The following MPST variants were observed in gnomAD, a reference collection of about 807,000 sequenced individuals.
MPST encodes mercaptopyruvate sulfurtransferase, also known as 3-mercaptopyruvate sulfurtransferase.
Under a neutral mutation model 28.5 loss-of-function variants are expected in MPST, and 27 were observed. The observed-to-expected ratio is 0.95, with a 90% CI of 0.70 to 1.31. The LOEUF is 1.31. Among genes scored for constraint, MPST ranks in the 50% most tolerant of loss-of-function variants. The pLI, the probability that MPST is intolerant of heterozygous loss-of-function variation, is 0.00. For missense variants in MPST, 492 were observed against 471.1 expected (o/e 1.04, Z -0.41); for synonymous variants, 204 against 209.3 (o/e 0.97, Z 0.22).
rs763858691 is a variant in MPST at position 37,024,692 on chromosome 22, C to G, written c.537C>G (p.Asp179Glu). ...CCGCCGAGTTCCGCGCTCAGCTCGA[C>G]CCCGCCTTCATCAAGACCTACGAGG... Reference protein sequence around the residue: ...PAPAEFRAQLDPAFIKTYEDI... With the variant: ...PAPAEFRAQLEPAFIKTYEDI... Residue 179 changes from aspartate to glutamate, a missense_variant, in exon 2 of 3, where the codon GAC becomes GAG. Transcript: ENST00000429360. The G allele has an allele frequency of 3.1e-6, 5 of 1,599,654 alleles. No homozygotes were observed. Among genetic ancestry groups the G allele is most frequent in the Non-Finnish European group, 4.2e-6 (5 of 1,179,790 alleles).
chr22:37,029,216 G>A lies in MPST; in HGVS notation c.656G>A (p.Gly219Asp), dbSNP rs764820410. 6.2e-7 allele frequency: 1 copy of A among 1,613,286 alleles called. No individual in the cohort carries two copies. The highest frequency in any genetic ancestry group is 8.5e-7 in the Non-Finnish European group (1 of 1,179,456). ...FRGTEPEPRD[G>D]IEPGHIPGTV... is the part of the protein sequence containing the mutation. ...CCTCCTCCCTGCTCCCCTGCTGTAG[G>A]CATTGAACCTGGCCACATCCCAGGT... The change falls in exon 3 of 3, where the codon GGC (glycine) becomes GAC (aspartate). Residue 219 changes from glycine (G) to aspartate (D), a missense_variant and splice_region_variant. Transcript: ENST00000429360.
At position 37,024,717 on chromosome 22, in the gene MPST, G is replaced by C; in HGVS notation, c.562G>C (p.Asp188His). Residue 188 changes from aspartate (D) to histidine (H), a missense_variant, in exon 2 of 3, where the codon GAC (aspartate) becomes CAC (histidine). Physicochemically the swap from Asp to His is moderately conservative, Grantham distance 81 (BLOSUM62 -1). Transcript: ENST00000429360. ...LDPAFIKTYE[D>H]IKENLESRRF... is the part of the protein sequence containing the mutation. Reference sequence around the variant, plus strand: ...CCCCGCCTTCATCAAGACCTACGAGGACATCAAGGAGAACCTGGAATCCCG... The same window carrying C: ...CCCCGCCTTCATCAAGACCTACGAGCACATCAAGGAGAACCTGGAATCCCG... 1 of 1,600,368 alleles carries C rather than the reference G, an allele frequency of 6.2e-7. No individual in the cohort carries two copies. Among genetic ancestry groups the C allele is most frequent in the Non-Finnish European group, 8.5e-7 (1 of 1,179,810 alleles).
intron 2 of MPST, 69 bp downstream of exon 2, chr22:37,024,879 C>T (rs766163517): frequency 1.0e-5 from 16 of 1,558,154 alleles, no homozygotes; most frequent in Non-Finnish European, 1.3e-5. Flanking sequence ...GTGCCCTGGA[C>T]TTGACCTTTC....
At chr22:37,021,907 C>T (rs911967129) in intron 1 of MPST, among the ~76,000 whole-genome samples, 4 of 151,848 alleles carry the variant, frequency 2.6e-5, no homozygotes, top group Non-Finnish European at 5.9e-5. Context: ...CACCCAGAGA[C>T]CCTACACACC....
In MPST at chr22:37,019,840, G is replaced by C; in HGVS notation, c.4G>C (p.Ala2Pro). The C allele has an allele frequency of 3.3e-6, 4 of 1,217,876 alleles. No individual in the cohort carries two copies. Among genetic ancestry groups the C allele is most frequent in the Non-Finnish European group, 4.1e-6 (4 of 973,336 alleles). The allele number at this position is 1,217,876 out of a possible 1,614,324, so 75.4% of individuals were successfully genotyped here. The stretch of plus-strand genomic sequence containing the variant: ...GGGGCGCCGCGCCGCGGGGGCCATG[G>C]CGGAGCCAGGAAGCCGGGAGTCCGA... Reference protein sequence around the residue: MAEPGSRESETR... With the variant: MPEPGSRESETR... Residue 2 changes from alanine (A) to proline (P), a missense_variant, in exon 1 of 3, where the codon GCG becomes CCG. Transcript: ENST00000429360.
At position 37,029,361 on chromosome 22, in the gene MPST, G is replaced by T. The variant is rs144710659; in HGVS notation, c.801G>T (p.Thr267=). Residue 267 remains threonine, a synonymous_variant, in exon 3 of 3, where the codon ACG becomes ACT. Transcript: ENST00000429360. ...ACCTGTCTAAGCCACTGGTGGCCAC[G>T]TGTGGCTCTGGCGTCACAGCCTGCC... ...KVDLSKPLVA[T]CGSGVTACHV... is the part of the protein sequence containing the mutation. 3 of 1,614,042 alleles carry T rather than the reference G, an allele frequency of 1.9e-6. No individual in the cohort carries two copies.
At chr22:37,022,589 T>A (rs1601455551) in intron 1 of MPST, among the ~76,000 whole-genome samples, 2 of 152,156 alleles carry the variant, frequency 1.3e-5, no homozygotes, top group East Asian at 3.9e-4. Context: ...GGGGTCAAAT[T>A]CTGGCTGCAA....
intron 1 of MPST, among the ~76,000 whole-genome samples, chr22:37,020,736 G>A (rs1393471527): frequency 6.6e-6 from 1 of 152,116 alleles, no homozygotes; most frequent in Non-Finnish European, 1.5e-5. Context: ...TCAGCTCACT[G>A]CAACCTCCGC....
In MPST at chr22:37,024,264, G is replaced by T; in HGVS notation, c.109G>T (p.Ala37Ser). The T allele has an allele frequency of 6.8e-7, 1 of 1,461,890 alleles. No homozygotes were observed. Among genetic ancestry groups the T allele is most frequent in the South Asian group, 1.4e-5 (1 of 73,544 alleles). The allele number at this position is 1,461,890 out of a possible 1,614,324, so 90.6% of individuals were successfully genotyped here. A position where few individuals can be genotyped will look rare whatever the true frequency, so the allele number is the denominator to read the frequency against. ...CGCGCTGGTGTCGGCGCAATGGGTG[G>T]CGGAGGCGCTGCGGGCCCCGCGCGC... is the stretch of plus-strand genomic sequence containing the variant. Reference protein sequence around the residue: ...CRALVSAQWVAEALRAPRAGQ... With the variant: ...CRALVSAQWVSEALRAPRAGQ... The change falls in exon 2 of 3, where the codon GCG becomes TCG. Residue 37 changes from alanine to serine, a missense_variant. Transcript: ENST00000429360.
chr22:37,023,707 G>GAA (rs1923242225), intron 1 of MPST: 3 of 1,030,786 alleles, frequency 2.9e-6, no homozygotes, highest in Non-Finnish European at 3.6e-6. Flanking sequence ...GGATTCAGTG[G>GAA]TACCCAGCAA....
At chr22:37,024,124 C>T (rs530141547) in intron 1 of MPST, 68 bp from the exon 2 acceptor site, 18 of 1,341,116 alleles carry the variant, frequency 1.3e-5, no homozygotes, top group Middle Eastern at 2.7e-4. Context: ...GCCCATGCTC[C>T]AGCCCCAGCC....
chr22:37,020,326 G>C (rs1171860232), intron 1 of MPST: 1 of 154,216 alleles, frequency 6.5e-6, no homozygotes, highest in Non-Finnish European at 1.4e-5. Context: ...TAAGACAGGA[G>C]AGAGCGGCAG....
chr22:37,024,784 G>A lies in MPST; in HGVS notation c.629G>A (p.Arg210His), dbSNP rs1923389480. ...VVDSRATGRFRGTEPEPRDGI... is the reference protein window; with the variant it reads ...VVDSRATGRFHGTEPEPRDGI... Reference sequence around the variant, plus strand: ...GACTCCCGAGCCACTGGCAGGTTCCGCGGCACCGAGCCCGAGCCCCGAGAC... The same window carrying A: ...GACTCCCGAGCCACTGGCAGGTTCCACGGCACCGAGCCCGAGCCCCGAGAC... Residue 210 changes from arginine (R) to histidine (H), a missense_variant, in exon 2 of 3, where the codon CGC (arginine) becomes CAC (histidine). Transcript: ENST00000429360. 1.6e-5 allele frequency: 25 copies of A among 1,602,584 alleles called. 1 individual carries two copies. The highest frequency in any genetic ancestry group is 2.1e-5 in the Non-Finnish European group (25 of 1,179,586).
At position 37,026,443 on chromosome 22, in the gene MPST, G is replaced by A. The variant is rs1017073807; in HGVS notation, c.655+1633G>A. 3.3e-5 allele frequency: 5 copies of A among 152,234 alleles called. No individual in the cohort carries two copies. The East Asian group carries it at 7.7e-4, about 24-fold the overall frequency. 9.4% of individuals were successfully genotyped at this position (152,234 alleles called of 1,614,324 possible). ...ATCTATAGAATGGGAGGTGATACACGCCTAGCAGGCTTGTTGTCAAAACAA... is the reference window on the plus strand; with the variant it reads ...ATCTATAGAATGGGAGGTGATACACACCTAGCAGGCTTGTTGTCAAAACAA... On this transcript the variant is annotated intron_variant, in intron 2 of 2. Transcript: ENST00000429360.
chr22:37,026,287 G>A (rs903954366), intron 2 of MPST: 1 of 152,144 alleles, frequency 6.6e-6, no homozygotes, highest in Non-Finnish European at 1.5e-5. Context: ...ATGTAGAATG[G>A]GAGCAGTAAC....
At position 37,029,468 on chromosome 22, in the gene MPST, C is replaced by T. The variant is rs1923751893; in HGVS notation, c.908C>T (p.Ala303Val). The T allele has an allele frequency of 3.1e-6, 5 of 1,611,736 alleles. No individual in the cohort carries two copies. The highest frequency in any genetic ancestry group is 1.7e-5 in the Admixed American group (1 of 59,936). The change falls in exon 3 of 3, where the codon GCC becomes GTC. Residue 303 changes from alanine to valine, a missense_variant. Ala to Val is a moderately conservative substitution (Grantham distance 64). Coordinates refer to ENST00000429360, the MANE Select transcript of MPST (RefSeq NM_021126.8). ...TCCTGGGTGGAGTGGTACATGCGCG[C>T]CCGGCCCGAGGATGTCATCTCAGAG... ...DGSWVEWYMR[A>V]RPEDVISEGR...
chr22:37,019,946 G>C (rs1922935777), intron 1 of MPST, 74 bp downstream of exon 1: 1 of 734,372 alleles, frequency 1.4e-6, no homozygotes, highest in Non-Finnish European at 1.9e-6. Context: ...TCGGCGCGGG[G>C]CTCCCGCGCG....
chr22:37,029,407 C>G lies in MPST; in HGVS notation c.847C>G (p.Leu283Val), dbSNP rs191731798. 15 of 1,613,860 alleles carry G rather than the reference C, an allele frequency of 9.3e-6. No individual in the cohort carries two copies. The highest frequency in any genetic ancestry group is 1.3e-5 in the African/African-American group (1 of 74,946). ...CTGCCACGTGGCACTAGGGGCCTAC[C>G]TCTGCGGCAAGCCAGACGTGCCCAT... ...TACHVALGAY[L>V]CGKPDVPIYD... The change falls in exon 3 of 3, where the codon CTC becomes GTC. Residue 283 changes from leucine (L) to valine (V), a missense_variant. By Grantham distance (32) the Leu-to-Val change is conservative (BLOSUM62 1). Coordinates refer to ENST00000429360, the MANE Select transcript of MPST (RefSeq NM_021126.8).
At position 37,024,697 on chromosome 22, in the gene MPST, C is replaced by A; in HGVS notation, c.542C>A (p.Ala181Asp). 2.5e-6 allele frequency: 4 copies of A among 1,599,848 alleles called. No individual in the cohort carries two copies. Among genetic ancestry groups the A allele is most frequent in the Non-Finnish European group, 3.4e-6 (4 of 1,179,810 alleles). ...PAEFRAQLDP[A>D]FIKTYEDIKE... ...GAGTTCCGCGCTCAGCTCGACCCCGCCTTCATCAAGACCTACGAGGACATC... is the reference window on the plus strand; with the variant it reads ...GAGTTCCGCGCTCAGCTCGACCCCGACTTCATCAAGACCTACGAGGACATC... Residue 181 changes from alanine to aspartate, a missense_variant, in exon 2 of 3, where the codon GCC (alanine) becomes GAC (aspartate). Ala to Asp is a moderately radical substitution (Grantham distance 126). Coordinates refer to ENST00000429360, the MANE Select transcript of MPST (RefSeq NM_021126.8).
Sources: gnomAD v4.1 joint callset for allele counts (sites outside exome capture counted in the v4.1 genomes callset) on GRCh38, gnomAD v4.1.1 for gene constraint, MANE v1.5 for transcripts, NCBI Gene and HGNC (gene_info 2026-07-23, HGNC 2026-07-21) for gene names.